Variants in CADM4 observed in about 807,000 individuals in gnomAD.
The protein encoded by CADM4 is TSLC1-like 2.
CADM4 carries 13 observed loss-of-function variants against 43.9 expected under a neutral mutation model. The observed-to-expected ratio is 0.30, with a 90% CI of 0.19 to 0.47. The LOEUF is 0.47. Ranked by LOEUF, CADM4 falls within the 20% of genes least tolerant of loss-of-function variation. The pLI, the probability that CADM4 is intolerant of heterozygous loss-of-function variation, is 1.00. For synonymous variants in CADM4, 209 were observed against 220.9 expected, an observed-to-expected ratio of 0.95 and a Z score of 0.48; for missense variants, 420 against 527.0, an observed-to-expected ratio of 0.80 and a Z score of 1.99.
At chr19:43,637,547 T>G (rs1269239635) in intron 1 of CADM4, among the ~76,000 whole-genome samples, 1 of 152,168 alleles carries the variant, frequency 6.6e-6, no homozygotes, top group Admixed American at 6.5e-5. Context: ...CAAGCTCAGT[T>G]TCTACTGGTA....
At position 43,627,084 on chromosome 19, in the gene CADM4, C is replaced by T. The variant is rs556221211; in HGVS notation, c.364+82G>A. On this transcript the variant is annotated intron_variant, in intron 3 of 8. Transcript: ENST00000222374. The surrounding 1 kb of genome is among the most constrained non-coding windows in gnomAD (Gnocchi z 4.0). The stretch of plus-strand genomic sequence containing the variant: ...TGCCCATCCAGGATGTTAAAAATAG[C>T]CATGGTCTGAAAGTCTCAGGAGAAG... 2.8e-4 allele frequency: 425 copies of T among 1,499,882 alleles called. 1 individual carries two copies. In the South Asian group the frequency reaches 3.5e-3, roughly 12 times the overall value. 92.9% of individuals were successfully genotyped at this position (1,499,882 alleles called of 1,614,324 possible). A position where few individuals can be genotyped will look rare whatever the true frequency, so the allele number is the denominator to read the frequency against.
At position 43,625,224 on chromosome 19, in the gene CADM4, C is replaced by A. The variant is rs1453052315; in HGVS notation, c.782G>T (p.Gly261Val). The A allele has an allele frequency of 6.2e-7, 1 of 1,614,074 alleles. No homozygotes were observed. The highest frequency in any genetic ancestry group is 8.5e-7 in the Non-Finnish European group (1 of 1,180,012). Residue 261 changes from glycine (G) to valine (V), a missense_variant, in exon 7 of 9, where the codon GGG becomes GTG. Gly to Val is a moderately radical substitution (Grantham distance 109). Transcript: ENST00000222374. This position sits in a 1 kb window ranked among gnomAD's most constrained non-coding sequence, Gnocchi z 4.5. ...CGCCCTCTCCGGCAAAGACTCATTCCCGCGGTTCCAGCGGATCTGGTTTGG... is the reference window on the plus strand; with the variant it reads ...CGCCCTCTCCGGCAAAGACTCATTCACGCGGTTCCAGCGGATCTGGTTTGG... ...PRPNQIRWNR[G>V]NESLPERAEA...
At chr19:43,633,971 T>C (rs1290298122) in intron 1 of CADM4, among the ~76,000 whole-genome samples, 3 of 152,038 alleles carry the variant, frequency 2.0e-5, no homozygotes, top group African/African-American at 7.2e-5. Flanking sequence ...GCTGGGATTA[T>C]AGGCATGAGC....
chr19:43,622,476 T>G lies in CADM4; in HGVS notation c.*854A>C, dbSNP rs1344787653. 6.6e-6 allele frequency: 1 copy of G among 152,308 alleles called. No homozygotes were observed. Among genetic ancestry groups the G allele is most frequent in the Non-Finnish European group, 1.5e-5 (1 of 68,142 alleles). The allele number at this position is 152,308 out of a possible 1,614,324, so 9.4% of individuals were successfully genotyped here. On this transcript the variant is annotated 3_prime_UTR_variant, in exon 9 of 9. Transcript: ENST00000222374. Reference sequence around the variant, plus strand: ...GTGTGGTTTTTTGTTTTTTGTTTTTTGTTTTTTAACAAGAAAAAGGGGGCA... The same window carrying G: ...GTGTGGTTTTTTGTTTTTTGTTTTTGGTTTTTTAACAAGAAAAAGGGGGCA...
At chr19:43,630,231 C>T (rs553473093) in intron 1 of CADM4, among the ~76,000 whole-genome samples, 2 of 149,614 alleles carry the variant, frequency 1.3e-5, no homozygotes, top group South Asian at 4.3e-4. Context: ...CCATTTTGCC[C>T]GGCCTGCGCT....
In CADM4 at chr19:43,625,155, G is replaced by A. The variant is rs1203213459; in HGVS notation, c.851C>T (p.Ala284Val). 1.9e-6 allele frequency: 3 copies of A among 1,613,970 alleles called. No homozygotes were observed. The African/African-American group carries it at 4.0e-5, about 22-fold the overall frequency. The change falls in exon 7 of 9, where the codon GCG (alanine) becomes GTG (valine). Residue 284 changes from alanine (A) to valine (V), a missense_variant. By Grantham distance (64) the Ala-to-Val change is moderately conservative. Coordinates refer to ENST00000222374, the MANE Select transcript of CADM4 (RefSeq NM_145296.2). This position sits in a 1 kb window ranked among gnomAD's most constrained non-coding sequence, Gnocchi z 4.5. ...CTCGCAAGTGTAGGTGCCGTTATCC[G>A]CGGATACCAGACCCGGCAGCGTGAG... The part of the protein sequence containing the change: ...ETLTLPGLVS[A>V]DNGTYTCEAS...
At chr19:43,630,817 A>C (rs994419624) in intron 1 of CADM4, among the ~76,000 whole-genome samples, 1 of 152,188 alleles carries the variant, frequency 6.6e-6, no homozygotes, top group Admixed American at 6.5e-5. Context: ...TTTCATCCTA[A>C]GGGCCAGTGA....
At position 43,627,246 on chromosome 19, in the gene CADM4, C is replaced by T. The variant is rs754869223; in HGVS notation, c.284G>A (p.Arg95His). The T allele has an allele frequency of 2.5e-6, 4 of 1,612,374 alleles. No homozygotes were observed. Among genetic ancestry groups the T allele is most frequent in the Middle Eastern group, 1.6e-4 (1 of 6,070 alleles). ...RRVRIRLSDARLEDEGGYFCQ... is the reference protein window; with the variant it reads ...RRVRIRLSDAHLEDEGGYFCQ... Reference sequence around the variant, plus strand: ...GAAATAGCCCCCCTCGTCCTCCAGGCGGGCATCTGAGAGCCGGATCCGCAC... The same window carrying T: ...GAAATAGCCCCCCTCGTCCTCCAGGTGGGCATCTGAGAGCCGGATCCGCAC... Residue 95 changes from arginine (R) to histidine (H), a missense_variant, in exon 3 of 9, where the codon CGC becomes CAC. Coordinates refer to ENST00000222374, the MANE Select transcript of CADM4 (RefSeq NM_145296.2). The surrounding 1 kb of genome is among the most constrained non-coding windows in gnomAD (Gnocchi z 4.0).
upstream of CADM4, chr19:43,639,918 C>T (rs1973754367): frequency 2.8e-6 from 2 of 708,018 alleles, no homozygotes; most frequent in Non-Finnish European, 3.4e-6. Context: ...CGGGGCGGGG[C>T]CGGGGAGGGG....
rs372727905 is a variant in CADM4 at position 43,626,327 on chromosome 19, C to T, written c.500-39G>A. ...GTCAGACACTGTCAGGCCACAATTC[C>T]GGCTCCATCCACCCACCCACCCGAG... On this transcript the variant is annotated intron_variant, in intron 4 of 8. Coordinates refer to ENST00000222374, the MANE Select transcript of CADM4 (RefSeq NM_145296.2). This position sits in a 1 kb window ranked among gnomAD's most constrained non-coding sequence, Gnocchi z 5.9. The T allele has an allele frequency of 4.4e-6, 7 of 1,596,838 alleles. No individual in the cohort carries two copies. Among genetic ancestry groups the T allele is most frequent in the Admixed American group, 1.7e-5 (1 of 59,764 alleles).
Position 43,626,306 on chromosome 19 carries a change from G to A in CADM4, c.500-18C>T, listed in dbSNP as rs1373135256. The A allele has an allele frequency of 6.2e-7, 1 of 1,606,536 alleles. No homozygotes were observed. The highest frequency in any genetic ancestry group is 2.2e-5 in the East Asian group (1 of 44,804). On this transcript the variant is annotated intron_variant, in intron 4 of 8. Transcript: ENST00000222374. The surrounding 1 kb of genome is among the most constrained non-coding windows in gnomAD (Gnocchi z 5.9). Reference sequence around the variant, plus strand: ...GCTCACTCCTGCCACACCCCGGTCAGACACTGTCAGGCCACAATTCCGGCT... The same window carrying A: ...GCTCACTCCTGCCACACCCCGGTCAAACACTGTCAGGCCACAATTCCGGCT...
At position 43,627,180 on chromosome 19, in the gene CADM4, G is replaced by A. The variant is rs1361366050; in HGVS notation, c.350C>T (p.Thr117Met). ...YTEDTHHQIA[T>M]LTVLVAPENP... is the part of the protein sequence containing the mutation. ...GAGGGCGTTACCTAGTACCGTGAGC[G>A]TGGCAATCTGGTGGTGGGTGTCTTC... The change falls in exon 3 of 9, where the codon ACG becomes ATG. Residue 117 changes from threonine to methionine, a missense_variant. Thr to Met is a moderately conservative substitution (Grantham distance 81). Transcript: ENST00000222374. This position sits in a 1 kb window ranked among gnomAD's most constrained non-coding sequence, Gnocchi z 4.0. The A allele has an allele frequency of 6.2e-7, 1 of 1,600,200 alleles. No individual in the cohort carries two copies.
At position 43,623,116 on chromosome 19, in the gene CADM4, CT is replaced by C. The variant is rs1973465056; in HGVS notation, c.*213del. Reference sequence around the variant, plus strand: ...GGTCTGGACCTTTGGCCCCTGCCCCCTGGGGGACCCAGACCTCTGGGCCCTC... The same window carrying C: ...GGTCTGGACCTTTGGCCCCTGCCCCCGGGGGACCCAGACCTCTGGGCCCTC... On this transcript the variant is annotated 3_prime_UTR_variant, in exon 9 of 9. Transcript: ENST00000222374. This position sits in a 1 kb window ranked among gnomAD's most constrained non-coding sequence, Gnocchi z 4.4. The C allele has an allele frequency of 1.8e-6, 1 of 565,226 alleles. No homozygotes were observed. The highest frequency in any genetic ancestry group is 3.2e-6 in the Non-Finnish European group (1 of 315,020). The allele number at this position is 565,226 out of a possible 1,614,324, so 35.0% of individuals were successfully genotyped here. A position where few individuals can be genotyped will look rare whatever the true frequency, so the allele number is the denominator to read the frequency against.
Position 43,627,311 on chromosome 19 carries a change from C to T in CADM4, c.219G>A (p.Lys73=), listed in dbSNP as rs768686175. 1.9e-6 allele frequency: 3 copies of T among 1,593,028 alleles called. No individual in the cohort carries two copies. The highest frequency in any genetic ancestry group is 1.1e-5 in the South Asian group (1 of 87,992). The part of the protein sequence containing the change: ...TLFFNGTRAL[K]DERFQLEEFS... ...ACTCCTCAAGCTGGAAACGCTCATC[C>T]TTCAAGGCTAGAGAGAGTGAGGGGG... The change falls in exon 3 of 9, where the codon AAG becomes AAA. Residue 73 remains lysine, a synonymous_variant. Transcript: ENST00000222374. This position sits in a 1 kb window ranked among gnomAD's most constrained non-coding sequence, Gnocchi z 4.0.
chr19:43,628,275 A>C (rs967246153), intron 1 of CADM4, among the ~76,000 whole-genome samples: 7 of 151,574 alleles, frequency 4.6e-5, no homozygotes, highest in Non-Finnish European at 7.4e-5. Flanking sequence ...AATACAAAAA[A>C]AAAAAAAAAA....
At chr19:43,639,991 G>C (rs1973755999), upstream of CADM4, among the ~76,000 whole-genome samples, 1 of 150,416 alleles carries the variant, frequency 6.6e-6, no homozygotes, top group Non-Finnish European at 1.5e-5. Context: ...GGAACGGTGC[G>C]GGGTGCGAAA....
At chr19:43,640,254 C>G (rs1241755895), upstream of CADM4, among the ~76,000 whole-genome samples, 7 of 148,378 alleles carry the variant, frequency 4.7e-5, no homozygotes, top group Admixed American at 4.7e-4. Context: ...TCGTGGGGTG[C>G]GGTGTGTGCG....
chr19:43,624,066 G>C, intron 8 of CADM4, 48 bp downstream of exon 8: 1 of 1,603,970 alleles, frequency 6.2e-7, no homozygotes, highest in Non-Finnish European at 8.5e-7. Context: ...GCCTCTTTCC[G>C]AGCCCTACAA....
In CADM4 at chr19:43,627,931, G is replaced by T; in HGVS notation, c.65-141C>A. On this transcript the variant is annotated intron_variant, in intron 1 of 8. Transcript: ENST00000222374. This position sits in a 1 kb window ranked among gnomAD's most constrained non-coding sequence, Gnocchi z 4.0. Reference sequence around the variant, plus strand: ...TCCATTGCACTGAACATTTCCTGCAGGCTAGAGTCCAGGACAGGGAGGAAA... The same window carrying T: ...TCCATTGCACTGAACATTTCCTGCATGCTAGAGTCCAGGACAGGGAGGAAA... 1.2e-6 allele frequency: 1 copy of T among 839,886 alleles called. No homozygotes were observed. Among genetic ancestry groups the T allele is most frequent in the Non-Finnish European group, 1.9e-6 (1 of 537,356 alleles). The allele number at this position is 839,886 out of a possible 1,614,324, so 52.0% of individuals were successfully genotyped here. A position where few individuals can be genotyped will look rare whatever the true frequency, so the allele number is the denominator to read the frequency against.
Sources: allele counts gnomAD v4.1 joint callset (sites outside exome capture counted in the v4.1 genomes callset), GRCh38; gene constraint gnomAD v4.1.1; non-coding constraint Gnocchi (gnomAD v3.1); transcripts MANE v1.5; gene names NCBI Gene and HGNC (gene_info 2026-07-23, HGNC 2026-07-21).